Variants in ARHGAP32 observed in about 807,000 individuals in gnomAD.
ARHGAP32 encodes rho GTPase-activating protein 32.
A neutral mutation model predicts 186.5 loss-of-function variants in ARHGAP32; 51 were observed. The ratio of observed to expected loss-of-function variants is 0.27; its 90% CI spans 0.22 to 0.35. The LOEUF is 0.35. ARHGAP32 is among the 10% of genes least tolerant of loss of function. The probability of loss-of-function intolerance (pLI) is 1.00; values close to 1 mark genes in which losing one functional copy is unlikely to be tolerated. For synonymous variants in ARHGAP32, 950 were observed against 964.3 expected (o/e 0.99, Z 0.27); for missense variants, 2,186 against 2,623.5 (o/e 0.83, Z 3.64).
At chr11:129,207,228 A>G (rs763391636) in intron 1 of ARHGAP32, among the ~76,000 whole-genome samples, 3 of 151,870 alleles carry the variant, frequency 2.0e-5, no homozygotes, top group South Asian at 4.2e-4. Context: ...TGTGCGTGTG[A>G]TTTATAATCC....
rs2136050885 is a variant in ARHGAP32 at position 128,967,531 on chromosome 11, G to C, written c.*1376C>G. The C allele has an allele frequency of 1.3e-5, 2 of 152,338 alleles. No homozygotes were observed. Among genetic ancestry groups the C allele is most frequent in the South Asian group, 4.1e-4 (2 of 4,828 alleles). 9.4% of individuals were successfully genotyped at this position (152,338 alleles called of 1,614,324 possible). On this transcript the variant is annotated 3_prime_UTR_variant, in exon 23 of 23. Coordinates refer to ENST00000682385, the MANE Select transcript of ARHGAP32 (RefSeq NM_001378024.1). Reference sequence around the variant, plus strand: ...GGGGGTGGAGGGAGCTGAGAACATAGAATGGAGTTGGGCTAGAGAGTTCCT... The same window carrying C: ...GGGGGTGGAGGGAGCTGAGAACATACAATGGAGTTGGGCTAGAGAGTTCCT...
At chr11:129,108,891 TTAAG>T (rs1942124687) in intron 5 of ARHGAP32, among the ~76,000 whole-genome samples, 1 of 152,154 alleles carries the variant, frequency 6.6e-6, no homozygotes, top group Non-Finnish European at 1.5e-5. Context: ...TTCCATCACG[TTAAG>T]TATTTACCAT....
intron 22 of ARHGAP32, 176 bp from the exon 23 acceptor site, chr11:128,971,335 T>G: frequency 1.7e-6 from 1 of 575,764 alleles, no homozygotes; most frequent in Non-Finnish European, 3.0e-6. Context: ...GTGCTGCTAT[T>G]TTGTACAACA....
intron 15 of ARHGAP32, among the ~76,000 whole-genome samples, chr11:128,984,042 A>G (rs1408020510): frequency 6.6e-6 from 1 of 152,160 alleles, no homozygotes; most frequent in Non-Finnish European, 1.5e-5. Flanking sequence ...TAATCTAGAT[A>G]CCATGTAAAA....
intron 1 of ARHGAP32, among the ~76,000 whole-genome samples, chr11:129,255,943 T>C (rs1450938293): frequency 6.6e-6 from 1 of 151,974 alleles, no homozygotes; most frequent in Non-Finnish European, 1.5e-5. Flanking sequence ...CTGAAAACAA[T>C]CCAAATGCCC....
At chr11:129,272,074 A>G (rs570775167) in intron 1 of ARHGAP32, among the ~76,000 whole-genome samples, 1 of 152,336 alleles carries the variant, frequency 6.6e-6, no homozygotes, top group Non-Finnish European at 1.5e-5. Context: ...CTGGTGAAGA[A>G]GAAGGTACAG....
At position 128,971,060 on chromosome 11, in the gene ARHGAP32, G is replaced by C. The variant is rs1945354333; in HGVS notation, c.4153C>G (p.Gln1385Glu). The C allele has an allele frequency of 6.2e-7, 1 of 1,614,152 alleles. No individual in the cohort carries two copies. Among genetic ancestry groups the C allele is most frequent in the South Asian group, 1.1e-5 (1 of 91,080 alleles). Residue 1385 changes from glutamine to glutamate, a missense_variant, in exon 23 of 23, where the codon CAG (glutamine) becomes GAG (glutamate). By Grantham distance (29) the Gln-to-Glu change is conservative. This residue lies in a region of ARHGAP32 where 1,502 missense variants were observed against 1,570.0 expected (regional missense o/e 0.96). Transcript: ENST00000682385. ...TGGACAGCTGTAGCCATGGGACACT[G>C]AGCAGCAGCAGCACCACTGTCACTG... ...FISDSGAAAA[Q>E]CPMATAVQPG... is the part of the protein sequence containing the mutation.
In ARHGAP32 at chr11:128,970,370, G is replaced by A. The variant is rs376790703; in HGVS notation, c.4843C>T (p.Arg1615Trp). The A allele has an allele frequency of 1.8e-5, 29 of 1,614,052 alleles. No homozygotes were observed. Among genetic ancestry groups the A allele is most frequent in the South Asian group, 3.3e-5 (3 of 91,088 alleles). ...SSMIRSVPIS[R>W]TEVPPDDEPA... ...TCATCATCTGGGGGAACTTCTGTCC[G>A]TGAAATGGGAACAGAGCGAATCATG... Residue 1615 changes from arginine (R) to tryptophan (W), a missense_variant, in exon 23 of 23, where the codon CGG (arginine) becomes TGG (tryptophan). By Grantham distance (101) the Arg-to-Trp change is moderately radical. This residue lies in a region of ARHGAP32 where 1,502 missense variants were observed against 1,570.0 expected (regional missense o/e 0.96). Coordinates refer to ENST00000682385, the MANE Select transcript of ARHGAP32 (RefSeq NM_001378024.1). The surrounding 1 kb of genome is among the most constrained non-coding windows in gnomAD (Gnocchi z 5.8).
chr11:129,263,692 A>C (rs1945355647), intron 1 of ARHGAP32, among the ~76,000 whole-genome samples: 1 of 146,780 alleles, frequency 6.8e-6, no homozygotes, highest in African/African-American at 2.5e-5. Flanking sequence ...AAGAAAGAGA[A>C]AAAGAAAGAG....
intron 12 of ARHGAP32, among the ~76,000 whole-genome samples, chr11:128,992,784 T>C (rs892559234): frequency 5.3e-5 from 8 of 152,054 alleles, no homozygotes; most frequent in African/African-American, 1.7e-4. Flanking sequence ...CAAAACTCCG[T>C]ATCAAAACAA....
At position 129,123,496 on chromosome 11, in the gene ARHGAP32, C is replaced by T. The variant is rs1224510063; in HGVS notation, c.394G>A (p.Ala132Thr). ...PFTKGHFPKM[A>T]ECAHFHYENV... ...TCATAATGGAAATGCGCACATTCAGCCATCTTCGGAAAGTGACCTTTAGTG... is the reference window on the plus strand; with the variant it reads ...TCATAATGGAAATGCGCACATTCAGTCATCTTCGGAAAGTGACCTTTAGTG... The change falls in exon 5 of 23, where the codon GCT becomes ACT. Residue 132 changes from alanine to threonine, a missense_variant. By Grantham distance (58) the Ala-to-Thr change is moderately conservative (BLOSUM62 0). Transcript: ENST00000682385. The surrounding 1 kb of genome is among the most constrained non-coding windows in gnomAD (Gnocchi z 4.6). 1 of 1,612,792 alleles carries T rather than the reference C, an allele frequency of 6.2e-7. No individual in the cohort carries two copies. The highest frequency in any genetic ancestry group is 1.7e-5 in the Admixed American group (1 of 59,940).
intron 1 of ARHGAP32, among the ~76,000 whole-genome samples, chr11:129,224,799 C>T (rs1167191554): frequency 6.9e-6 from 1 of 145,022 alleles, no homozygotes; most frequent in South Asian, 2.3e-4. Context: ...AAAATCTCTT[C>T]CCCACAAGCA....
chr11:129,177,081 G>A (rs1237575813), intron 1 of ARHGAP32, among the ~76,000 whole-genome samples: 6 of 150,660 alleles, frequency 4.0e-5, no homozygotes, highest in Admixed American at 2.0e-4. Flanking sequence ...TCAAATAGAC[G>A]CAATAAAAAA....
intron 14 of ARHGAP32, 21 bp downstream of exon 14, chr11:128,986,503 T>C: frequency 6.2e-7 from 1 of 1,612,774 alleles, no homozygotes; most frequent in Non-Finnish European, 8.5e-7. Context: ...AGAATTAGAT[T>C]CAAAAGTAGC....
In ARHGAP32 at chr11:129,233,742, C is replaced by T. The variant is rs182892243; in HGVS notation, c.-5+45404G>A. 2.0e-4 allele frequency among the ~76,000 whole-genome samples: 31 copies of T among 151,250 alleles called. No homozygotes were observed. In the East Asian group the frequency reaches 2.7e-3, roughly 13 times the overall value. On this transcript the variant is annotated intron_variant, in intron 1 of 6. Transcript: ENST00000525234. ...AAATGAACTGTATCCATGTATTACA[C>T]GGAATAAATGAGAAAAAAAGCCTGC...
chr11:129,032,190 C>T (rs550656730), intron 11 of ARHGAP32, among the ~76,000 whole-genome samples: 3 of 152,316 alleles, frequency 2.0e-5, no homozygotes, highest in Non-Finnish European at 2.9e-5. Context: ...TGGATGGCAA[C>T]GGTAAAAGAG....
intron 21 of ARHGAP32, chr11:128,973,831 G>T: frequency 1.9e-6 from 1 of 520,766 alleles, no homozygotes; most frequent in Non-Finnish European, 3.3e-6. Context: ...TATTAGAAGA[G>T]AAAAACAGAA....
At chr11:129,116,500 A>C (rs1353770685) in intron 5 of ARHGAP32, among the ~76,000 whole-genome samples, 1 of 152,090 alleles carries the variant, frequency 6.6e-6, no homozygotes. Context: ...AGTAAGGCTA[A>C]GATTTTTATT....
chr11:129,258,523 C>A (rs1027630605), intron 1 of ARHGAP32, among the ~76,000 whole-genome samples: 1 of 152,144 alleles, frequency 6.6e-6, no homozygotes, highest in African/African-American at 2.4e-5. Context: ...TTCCCTACAG[C>A]CAAACTTTCT....
Sources: allele counts gnomAD v4.1 joint callset (sites outside exome capture counted in the v4.1 genomes callset), GRCh38; gene constraint gnomAD v4.1.1; regional missense constraint gnomAD v4.1.1; non-coding constraint Gnocchi (gnomAD v3.1); transcripts MANE v1.5; gene names NCBI Gene and HGNC (gene_info 2026-07-23, HGNC 2026-07-21).